Variants in FBXL13 observed in about 807,000 individuals in gnomAD.
The protein encoded by FBXL13 is F-box and leucine-rich repeat protein 13.
FBXL13 carries 67 observed loss-of-function variants against 83.6 expected under a neutral mutation model. The ratio of observed to expected loss-of-function variants is 0.80; its 90% CI spans 0.66 to 0.98. FBXL13 has a LOEUF of 0.98. Among genes scored for constraint, FBXL13 ranks in the 50% least tolerant of loss-of-function variants. The pLI, the probability that FBXL13 is intolerant of heterozygous loss-of-function variation, is 0.00. For synonymous variants in FBXL13, 272 were observed against 299.5 expected (o/e 0.91, Z 0.95); for missense variants, 822 against 866.5 (o/e 0.95, Z 0.64).
chr7:102,930,273 G>A (rs1442256684), intron 9 of FBXL13, among the ~76,000 whole-genome samples: 1 of 152,178 alleles, frequency 6.6e-6, no homozygotes, highest in Non-Finnish European at 1.5e-5. Context: ...GGTGCCTCAT[G>A]ATTGGCATTC....
chr7:103,058,532 C>T (rs985068092), intron 1 of FBXL13, among the ~76,000 whole-genome samples: 1 of 152,228 alleles, frequency 6.6e-6, no homozygotes, highest in Admixed American at 6.5e-5. Context: ...AGCCCATCTG[C>T]TCTCTAGCAC....
At chr7:102,877,085 A>C (rs987816407) in intron 16 of FBXL13, among the ~76,000 whole-genome samples, 2 of 152,192 alleles carry the variant, frequency 1.3e-5, no homozygotes, top group Non-Finnish European at 2.9e-5. Flanking sequence ...TCTTGAACTA[A>C]AGACTTAGAT....
At chr7:102,933,378 C>G (rs1488589328) in intron 8 of FBXL13, 2 of 152,168 alleles carry the variant, frequency 1.3e-5, no homozygotes, top group African/African-American at 2.4e-5. Flanking sequence ...CTTTGAATTT[C>G]TTAAATCCGA....
In FBXL13 at chr7:102,971,156, C is replaced by T. The variant is rs542181395; in HGVS notation, c.496-3039G>A. Among the ~76,000 whole-genome samples the T allele has an allele frequency of 4.6e-5, 7 of 152,154 alleles. No individual in the cohort carries two copies. The South Asian group carries it at 1.5e-3, about 32-fold the overall frequency. On this transcript the variant is annotated intron_variant, in intron 6 of 19. Transcript: ENST00000313221. ...GCATTATAAGTGAAACTGCAAAAGG[C>T]CAAAGCACAGGAAAATTTTTCAGGC...
At chr7:102,954,278 T>C (rs1387421554) in intron 8 of FBXL13, among the ~76,000 whole-genome samples, 2 of 152,238 alleles carry the variant, frequency 1.3e-5, no homozygotes, top group Non-Finnish European at 2.9e-5. Context: ...CAGAATTTCT[T>C]ATCTAGCCAA....
At chr7:102,813,203 G>A, downstream of FBXL13, 3 of 764,666 alleles carry the variant, frequency 3.9e-6, no homozygotes, top group Non-Finnish European at 4.2e-6. Flanking sequence ...GGAAATATTT[G>A]TAGTTGGAAT....
chr7:103,014,619 C>T (rs1459830752), intron 6 of FBXL13, among the ~76,000 whole-genome samples: 1 of 151,982 alleles, frequency 6.6e-6, no homozygotes, highest in African/African-American at 2.4e-5. Flanking sequence ...TGCAAAAATC[C>T]TCAAGAAAAT....
chr7:103,036,894 A>C (rs1252597964), intron 2 of FBXL13, among the ~76,000 whole-genome samples: 1 of 152,196 alleles, frequency 6.6e-6, no homozygotes, highest in East Asian at 1.9e-4. Context: ...CTTTTTACCA[A>C]TAAACACATA....
intron 2 of FBXL13, among the ~76,000 whole-genome samples, chr7:103,042,831 A>G (rs987514189): frequency 8.5e-5 from 13 of 152,232 alleles, no homozygotes; most frequent in Admixed American, 3.3e-4. Flanking sequence ...AAGATGCATT[A>G]AAGACTTAAA....
rs1157210727 is a variant in FBXL13, at chr7:102,912,682, C to CA, written c.1008+403_1008+404insT. Among the ~76,000 whole-genome samples the CA allele has an allele frequency of 1.3e-4, 17 of 132,724 alleles. 1 individual carries two copies. The highest frequency in any genetic ancestry group is 1.7e-4 in the Non-Finnish European group (10 of 59,852). 87.1% of individuals were successfully genotyped at this position (132,724 alleles called of 152,430 possible). A position where few individuals can be genotyped will look rare whatever the true frequency, so the allele number is the denominator to read the frequency against. On this transcript the variant is annotated intron_variant, in intron 11 of 19. Coordinates refer to ENST00000313221, the Ensembl canonical transcript of FBXL13. ...ACTTATAGCATTTTACCCCCCCCCC[C>CA]CCAAAAAAAAACCCATGTGGGAGTT...
chr7:102,917,759 G>C (rs1050290700), intron 10 of FBXL13, among the ~76,000 whole-genome samples: 1 of 152,196 alleles, frequency 6.6e-6, no homozygotes, highest in Non-Finnish European at 1.5e-5. Flanking sequence ...GCGTGAGATA[G>C]AACAGATTGA....
intron 16 of FBXL13, among the ~76,000 whole-genome samples, chr7:102,863,808 G>A (rs189189389): frequency 7.2e-5 from 11 of 152,128 alleles, no homozygotes; most frequent in East Asian, 3.9e-4. Flanking sequence ...TTCCTGGTTT[G>A]TGGCACCACC....
chr7:102,986,157 T>G (rs562567943), intron 6 of FBXL13, among the ~76,000 whole-genome samples: 2 of 152,316 alleles, frequency 1.3e-5, no homozygotes, highest in South Asian at 4.1e-4. Flanking sequence ...TGCTAATATT[T>G]GAGTCCTTTC....
At chr7:103,011,254 TA>T (rs1396989115) in intron 6 of FBXL13, among the ~76,000 whole-genome samples, 1 of 152,160 alleles carries the variant, frequency 6.6e-6, no homozygotes, top group Non-Finnish European at 1.5e-5. Flanking sequence ...AGATCATCAA[TA>T]TACCGGAGAT....
rs181446411 is a variant in FBXL13, at chr7:102,854,444, C to T, written c.1719+333G>A. Among the ~76,000 whole-genome samples the T allele has an allele frequency of 3.5e-3, 540 of 152,186 alleles. 3 individuals carry two copies. The highest frequency in any genetic ancestry group is 0.013 in the African/African-American group (521 of 41,518). ...CTAGATGACGAGTTAGTGGGTGCAG[C>T]GCACCAGCATGTCACATGTATACAT... On this transcript the variant is annotated intron_variant, in intron 17 of 19. Transcript: ENST00000313221.
intron 14 of FBXL13, among the ~76,000 whole-genome samples, chr7:102,879,438 GAT>G (rs1563033611): frequency 1.1e-5 from 1 of 93,636 alleles, no homozygotes; most frequent in East Asian, 3.4e-4. Context: ...AGCAGTTAAG[GAT>G]GTGTGTGTGT....
chr7:102,889,519 G>A (rs763710260), intron 11 of FBXL13, among the ~76,000 whole-genome samples: 10 of 152,056 alleles, frequency 6.6e-5, no homozygotes, highest in Non-Finnish European at 1.2e-4. Context: ...CCAACAACTC[G>A]TCATTTACAT....
intron 11 of FBXL13, among the ~76,000 whole-genome samples, chr7:102,893,235 G>A (rs1047503359): frequency 6.6e-6 from 1 of 152,082 alleles, no homozygotes; most frequent in African/African-American, 2.4e-5. Flanking sequence ...CTGAAATTTG[G>A]CCTTTCCAAA....
At chr7:102,941,262 T>C (rs1235937319) in intron 8 of FBXL13, among the ~76,000 whole-genome samples, 1 of 152,164 alleles carries the variant, frequency 6.6e-6, no homozygotes, top group Admixed American at 6.5e-5. Flanking sequence ...ATTACATTAG[T>C]GTGCAAGTCA....
Sources: gnomAD v4.1 joint callset for allele counts (sites outside exome capture counted in the v4.1 genomes callset) on GRCh38, gnomAD v4.1.1 for gene constraint, MANE v1.5 for transcripts, NCBI Gene and HGNC (gene_info 2026-07-23, HGNC 2026-07-21) for gene names.